The following WFDC2 variants were observed in gnomAD, a reference collection of about 807,000 sequenced individuals.
The protein encoded by WFDC2 is WAP four-disulfide core domain 2.
In WFDC2, 8 loss-of-function variants were observed where a neutral mutation model predicts 12.5. The ratio of observed to expected loss-of-function variants is 0.64; its 90% CI spans 0.37 to 1.15. The LOEUF (loss-of-function observed/expected upper bound fraction) is 1.15, where lower values mean the gene tolerates loss of function less well. WFDC2 is among the 50% of genes most tolerant of loss of function. The probability of loss-of-function intolerance (pLI) is 0.01; values close to 1 mark genes in which losing one functional copy is unlikely to be tolerated. For synonymous variants in WFDC2, 74 were observed against 67.2 expected (o/e 1.10, Z -0.49); for missense variants, 166 against 159.9 (o/e 1.04, Z -0.21).
rs749586773 is a variant in WFDC2 at position 45,470,460 on chromosome 20, T to C, written c.151T>C (p.Ser51Pro). 2.1e-5 allele frequency: 34 copies of C among 1,595,378 alleles called. No homozygotes were observed. Among genetic ancestry groups the C allele is most frequent in the Non-Finnish European group, 2.6e-5 (31 of 1,170,426 alleles). The change falls in exon 2 of 4, where the codon TCG becomes CCG. Residue 51 changes from serine (S) to proline (P), a missense_variant. By Grantham distance (74) the Ser-to-Pro change is moderately conservative (BLOSUM62 -1). Transcript: ENST00000372676. This position sits in a 1 kb window ranked among gnomAD's most constrained non-coding sequence, Gnocchi z 5.4. ...CCAGAACTGCACGCAAGAGTGCGTC[T>C]CGGACAGCGAATGCGCCGACAACCT... ...ADQNCTQECVSDSECADNLKC... is the reference protein window; with the variant it reads ...ADQNCTQECVPDSECADNLKC...
chr20:45,478,805 T>A (rs534871029), intron 2 of WFDC2, among the ~76,000 whole-genome samples: 2 of 151,714 alleles, frequency 1.3e-5, no homozygotes, highest in South Asian at 4.2e-4. Context: ...TTTTTGTATT[T>A]TTAGTAGAGC....
At position 45,480,053 on chromosome 20, in the gene WFDC2, A is replaced by G. The variant is rs1568972064; in HGVS notation, c.335A>G (p.Asn112Ser). 5.0e-6 allele frequency: 8 copies of G among 1,614,232 alleles called. No homozygotes were observed. The highest frequency in any genetic ancestry group is 5.9e-6 in the Non-Finnish European group (7 of 1,180,040). The part of the protein sequence containing the change: ...QCPGQMKCCR[N>S]GCGKVSCVTP... ...CCTGGCCAGATGAAATGCTGCCGCAATGGCTGTGGGAAGGTGTCCTGTGTC... is the reference window on the plus strand; with the variant it reads ...CCTGGCCAGATGAAATGCTGCCGCAGTGGCTGTGGGAAGGTGTCCTGTGTC... Residue 112 changes from asparagine (N) to serine (S), a missense_variant, in exon 3 of 4, where the codon AAT becomes AGT. Transcript: ENST00000372676.
intron 2 of WFDC2, among the ~76,000 whole-genome samples, chr20:45,477,475 C>G (rs997562825): frequency 1.3e-5 from 2 of 152,190 alleles, no homozygotes; most frequent in African/African-American, 2.4e-5. Flanking sequence ...CACTCCAGAC[C>G]CTGTTTGCCT....
At position 45,470,697 on chromosome 20, in the gene WFDC2, A is replaced by C. The variant is rs1997745; in HGVS notation, c.223+165A>C. On this transcript the variant is annotated intron_variant, in intron 2 of 3. Transcript: ENST00000372676. The surrounding 1 kb of genome is among the most constrained non-coding windows in gnomAD (Gnocchi z 5.4). ...GTCAGTCCTCTCCCTCGCACGGCCC[A>C]GGGGTAGACAAAGGCGTCGTTGAAA... is the stretch of plus-strand genomic sequence containing the variant. Among the ~76,000 whole-genome samples the C allele has an allele frequency of 0.12, 18,862 of 152,104 alleles. 1,716 individuals are homozygous for C. Among genetic ancestry groups the C allele is most frequent in the East Asian group, 0.34 (1,737 of 5,140 alleles).
At chr20:45,471,311 G>A (rs1048203432) in intron 2 of WFDC2, 6 of 395,728 alleles carry the variant, frequency 1.5e-5, no homozygotes, top group African/African-American at 1.2e-4. Flanking sequence ...TCTCCACCAG[G>A]CTATCAGAAC....
At chr20:45,471,214 C>T (rs1337887587) in intron 2 of WFDC2, 1 of 468,726 alleles carries the variant, frequency 2.1e-6, no homozygotes, top group Non-Finnish European at 4.4e-6. Flanking sequence ...TATCGCCCTT[C>T]GTCGTCTTTC....
At chr20:45,479,658 C>T (rs761688499) in intron 2 of WFDC2, 101 of 1,612,620 alleles carry the variant, frequency 6.3e-5, no homozygotes, top group Non-Finnish European at 7.5e-5. Flanking sequence ...TCCACTGGCA[C>T]CTAAAGACAC....
At chr20:45,478,887 G>A (rs1991266940) in intron 2 of WFDC2, among the ~76,000 whole-genome samples, 1 of 152,204 alleles carries the variant, frequency 6.6e-6, no homozygotes, top group Non-Finnish European at 1.5e-5. Context: ...TTACAGGCAT[G>A]AGCCACTGCA....
rs958440744 is a variant in WFDC2, at chr20:45,470,514, T to G, written c.205T>G (p.Phe69Val). 3.1e-6 allele frequency: 5 copies of G among 1,598,258 alleles called. No individual in the cohort carries two copies. In the African/African-American group the frequency reaches 4.0e-5, roughly 13 times the overall value. The change falls in exon 2 of 4, where the codon TTC (phenylalanine) becomes GTC (valine). Residue 69 changes from phenylalanine to valine, a missense_variant. Phe to Val is a conservative substitution (Grantham distance 50). Coordinates refer to ENST00000372676, the MANE Select transcript of WFDC2 (RefSeq NM_006103.4). The surrounding 1 kb of genome is among the most constrained non-coding windows in gnomAD (Gnocchi z 5.4). The stretch of plus-strand genomic sequence containing the variant: ...GTGCTGCAGCGCGGGCTGTGCCACC[T>G]TCTGCTCTCTGCCCAATGGTAACCC... Reference protein sequence around the residue: ...LKCCSAGCATFCSLPNDKEGS... With the variant: ...LKCCSAGCATVCSLPNDKEGS...
Position 45,470,591 on chromosome 20 carries a change from G to T in WFDC2, c.223+59G>T. On this transcript the variant is annotated intron_variant, in intron 2 of 3. Transcript: ENST00000372676. The surrounding 1 kb of genome is among the most constrained non-coding windows in gnomAD (Gnocchi z 5.4). Reference sequence around the variant, plus strand: ...GGGCCGCGCTGGGCTGGGAGGAGGTGGGAGGGCCCGGGTTCCGGGAACAGG... The same window carrying T: ...GGGCCGCGCTGGGCTGGGAGGAGGTTGGAGGGCCCGGGTTCCGGGAACAGG... 1 of 1,496,672 alleles carries T rather than the reference G, an allele frequency of 6.7e-7. No homozygotes were observed. The highest frequency in any genetic ancestry group is 1.3e-5 in the South Asian group (1 of 76,500). 92.7% of individuals were successfully genotyped at this position (1,496,672 alleles called of 1,614,324 possible).
chr20:45,478,474 C>A (rs368920013), intron 2 of WFDC2, among the ~76,000 whole-genome samples: 1 of 152,172 alleles, frequency 6.6e-6, no homozygotes, highest in African/African-American at 2.4e-5. Context: ...CTTCTGCTCG[C>A]CCTCCGTGGG....
At chr20:45,472,116 A>G (rs1991179699) in intron 2 of WFDC2, among the ~76,000 whole-genome samples, 1 of 146,894 alleles carries the variant, frequency 6.8e-6, no homozygotes, top group African/African-American at 2.6e-5. Context: ...GCAACTTAAC[A>G]ACATTTTTTT....
chr20:45,470,098 G>A lies in WFDC2; in HGVS notation c.79+238G>A, dbSNP rs1410683121. Reference sequence around the variant, plus strand: ...CGCGGACACTCCGTGGCTGCAGTGGGCTGGGGGTGGGGGCTGCTCTGCCTC... The same window carrying A: ...CGCGGACACTCCGTGGCTGCAGTGGACTGGGGGTGGGGGCTGCTCTGCCTC... On this transcript the variant is annotated intron_variant, in intron 1 of 3. Transcript: ENST00000372676. The surrounding 1 kb of genome is among the most constrained non-coding windows in gnomAD (Gnocchi z 5.4). 1.3e-5 allele frequency among the ~76,000 whole-genome samples: 2 copies of A among 152,202 alleles called. No homozygotes were observed. Among genetic ancestry groups the A allele is most frequent in the Non-Finnish European group, 2.9e-5 (2 of 68,032 alleles).
rs146933501 is a variant in WFDC2, at chr20:45,470,457, G to A, written c.148G>A (p.Val50Ile). Reference protein sequence around the residue: ...QADQNCTQECVSDSECADNLK... With the variant: ...QADQNCTQECISDSECADNLK... ...TGACCAGAACTGCACGCAAGAGTGC[G>A]TCTCGGACAGCGAATGCGCCGACAA... The change falls in exon 2 of 4, where the codon GTC (valine) becomes ATC (isoleucine). Residue 50 changes from valine to isoleucine, a missense_variant. By Grantham distance (29) the Val-to-Ile change is conservative. Coordinates refer to ENST00000372676, the MANE Select transcript of WFDC2 (RefSeq NM_006103.4). This position sits in a 1 kb window ranked among gnomAD's most constrained non-coding sequence, Gnocchi z 5.4. 400 of 1,595,136 alleles carry A rather than the reference G, an allele frequency of 2.5e-4. No individual in the cohort carries two copies. Among genetic ancestry groups the A allele is most frequent in the Non-Finnish European group, 6.0e-5 (70 of 1,170,182 alleles).
intron 2 of WFDC2, among the ~76,000 whole-genome samples, chr20:45,477,206 G>C (rs1217733471): frequency 6.6e-6 from 1 of 152,066 alleles, no homozygotes; most frequent in African/African-American, 2.4e-5. Flanking sequence ...TCTCCGTCCA[G>C]TTTTGTTCCC....
chr20:45,470,475 G>A lies in WFDC2; in HGVS notation c.166G>A (p.Ala56Thr). Residue 56 changes from alanine to threonine, a missense_variant, in exon 2 of 4, where the codon GCC becomes ACC. Transcript: ENST00000372676. This position sits in a 1 kb window ranked among gnomAD's most constrained non-coding sequence, Gnocchi z 5.4. ...TQECVSDSEC[A>T]DNLKCCSAGC... ...AGAGTGCGTCTCGGACAGCGAATGC[G>A]CCGACAACCTCAAGTGCTGCAGCGC... is the stretch of plus-strand genomic sequence containing the variant. 1.3e-6 allele frequency: 2 copies of A among 1,597,264 alleles called. No individual in the cohort carries two copies. The highest frequency in any genetic ancestry group is 1.7e-5 in the Admixed American group (1 of 58,228).
At chr20:45,471,298 C>A in intron 2 of WFDC2, 1 of 408,890 alleles carries the variant, frequency 2.4e-6, no homozygotes. Flanking sequence ...GCTGGAGCTG[C>A]AGTCTCCACC....
chr20:45,469,759 G>A lies in WFDC2; in HGVS notation c.-23G>A. 1 of 1,597,580 alleles carries A rather than the reference G, an allele frequency of 6.3e-7. No individual in the cohort carries two copies. Among genetic ancestry groups the A allele is most frequent in the Non-Finnish European group, 8.5e-7 (1 of 1,172,016 alleles). Reference sequence around the variant, plus strand: ...CGCACCTGAGCATCGGCTCACACCTGCACCCCGCCCGGGCATAGCACCATG... The same window carrying A: ...CGCACCTGAGCATCGGCTCACACCTACACCCCGCCCGGGCATAGCACCATG... On this transcript the variant is annotated 5_prime_UTR_variant, in exon 1 of 4. Transcript: ENST00000372676.
intron 3 of WFDC2, among the ~76,000 whole-genome samples, chr20:45,480,461 A>AG (rs1432618657): frequency 2.0e-5 from 3 of 151,726 alleles, no homozygotes; most frequent in Non-Finnish European, 4.4e-5. Flanking sequence ...CCAAAAAAAA[A>AG]AAAAAAAATT....
Sources: gnomAD v4.1 joint callset for allele counts (sites outside exome capture counted in the v4.1 genomes callset) on GRCh38, gnomAD v4.1.1 for gene constraint, Gnocchi (gnomAD v3.1) non-coding constraint, MANE v1.5 for transcripts, NCBI Gene and HGNC (gene_info 2026-07-23, HGNC 2026-07-21) for gene names.